The following ATP11B variants were observed in gnomAD, a reference collection of about 807,000 sequenced individuals.
ATP11B encodes the protein phospholipid-transporting ATPase IF.
In ATP11B, 81 loss-of-function variants were observed where a neutral mutation model predicts 157.8. The ratio of observed to expected loss-of-function variants is 0.51; its 90% CI spans 0.43 to 0.62. The LOEUF is 0.62. Among genes scored for constraint, ATP11B ranks in the 20% least tolerant of loss-of-function variants. The probability of loss-of-function intolerance (pLI) is 0.00; values close to 1 mark genes in which losing one functional copy is unlikely to be tolerated. For synonymous variants in ATP11B, 451 were observed against 469.4 expected, an observed-to-expected ratio of 0.96 and a Z score of 0.51; for missense variants, 1,165 against 1,402.2, an observed-to-expected ratio of 0.83 and a Z score of 2.70.
rs765208623 is a variant in ATP11B, at chr3:182,913,962, T to TA, written c.3421dup (p.Ile1141AsnfsTer5). The TA allele has an allele frequency of 5.0e-6, 8 of 1,614,068 alleles. No individual in the cohort carries two copies. The Admixed American group carries it at 5.0e-5, about 10-fold the overall frequency. ...CTGTTGGAAGAATGCTGGAACGAGT[T>TA]ATAGGAAGATGTAGTCCAACCCACA... On this transcript the variant is annotated frameshift_variant, in exon 29 of 30. Coordinates refer to ENST00000323116, the MANE Select transcript of ATP11B (RefSeq NM_014616.3). LOFTEE classifies it high-confidence loss of function.
intron 29 of ATP11B, 62 bp from the exon 30 acceptor site, chr3:182,917,961 T>C (rs1725244954): frequency 6.3e-7 from 1 of 1,588,092 alleles, no homozygotes; most frequent in Non-Finnish European, 8.6e-7. Context: ...TTAGAGTAAA[T>C]TTTTTTCTCA....
chr3:182,820,147 T>G, intron 1 of ATP11B, 113 bp from the exon 2 acceptor site: 1 of 715,520 alleles, frequency 1.4e-6, no homozygotes, highest in South Asian at 1.8e-5. Context: ...TATATGCATT[T>G]TAAGGGCAAT....
In ATP11B at chr3:182,805,912, C is replaced by T. The variant is rs1716299649; in HGVS notation, c.27+12126C>T. Among the ~76,000 whole-genome samples, 5 of 152,210 alleles carry T rather than the reference C, an allele frequency of 3.3e-5. No individual in the cohort carries two copies. In the South Asian group the frequency reaches 1.0e-3, roughly 32 times the overall value. On this transcript the variant is annotated intron_variant, in intron 1 of 29. Coordinates refer to ENST00000323116, the MANE Select transcript of ATP11B (RefSeq NM_014616.3). Reference sequence around the variant, plus strand: ...GGTTGTAGTCCTACTTCTTTTTAAACTCAATGTTTTTTAGCATTAGTTTTT... The same window carrying T: ...GGTTGTAGTCCTACTTCTTTTTAAATTCAATGTTTTTTAGCATTAGTTTTT...
At chr3:182,904,077 T>C (rs1355232209) in intron 28 of ATP11B, among the ~76,000 whole-genome samples, 3 of 152,212 alleles carry the variant, frequency 2.0e-5, no homozygotes, top group Non-Finnish European at 4.4e-5. Context: ...GAGATGTTCT[T>C]TCTGCAAGCC....
At chr3:182,902,329 C>T (rs1190437593) in intron 28 of ATP11B, among the ~76,000 whole-genome samples, 1 of 152,192 alleles carries the variant, frequency 6.6e-6, no homozygotes, top group Non-Finnish European at 1.5e-5. Flanking sequence ...AACAGCCCTA[C>T]AAATGTTAGT....
chr3:182,915,075 G>C (rs1194294665), intron 29 of ATP11B: 1 of 985,086 alleles, frequency 1.0e-6, no homozygotes, highest in Non-Finnish European at 1.2e-6. Context: ...ACTGGAAAAA[G>C]GATTTTTATT....
chr3:182,884,765 A>G lies in ATP11B; in HGVS notation c.2522A>G (p.Lys841Arg). Residue 841 changes from lysine (K) to arginine (R), a missense_variant, in exon 22 of 30, where the codon AAA (lysine) becomes AGA (arginine). Lys to Arg is a conservative substitution (Grantham distance 26). Transcript: ENST00000323116. ...CCTTTTATTATAGGAATCATGGGTA[A>G]AGAAGGAAGACAGGCTGCAAGAAAC... is the stretch of plus-strand genomic sequence containing the variant. The part of the protein sequence containing the change: ...EAHVGIGIMG[K>R]EGRQAARNSD... 1 of 1,593,572 alleles carries G rather than the reference A, an allele frequency of 6.3e-7. No individual in the cohort carries two copies. Among genetic ancestry groups the G allele is most frequent in the Admixed American group, 1.9e-5 (1 of 53,324 alleles).
chr3:182,865,947 C>A (rs1721200965), intron 13 of ATP11B, among the ~76,000 whole-genome samples: 2 of 150,538 alleles, frequency 1.3e-5, no homozygotes, highest in Non-Finnish European at 3.0e-5. Flanking sequence ...AAGAAAAGCC[C>A]TTACTGCCTT....
At chr3:182,822,579 C>T (rs1004193463) in intron 2 of ATP11B, among the ~76,000 whole-genome samples, 1 of 152,178 alleles carries the variant, frequency 6.6e-6, no homozygotes, top group African/African-American at 2.4e-5. Context: ...AGTAAATACA[C>T]GTGTGCATGT....
intron 1 of ATP11B, among the ~76,000 whole-genome samples, chr3:182,799,390 C>T (rs1397034047): frequency 6.6e-6 from 1 of 152,084 alleles, no homozygotes; most frequent in Non-Finnish European, 1.5e-5. Context: ...CATTCTCCTG[C>T]CTCAGCCTCC....
At chr3:182,845,010 T>TTTTA (rs1719383961) in intron 8 of ATP11B, among the ~76,000 whole-genome samples, 3 of 68,314 alleles carry the variant, frequency 4.4e-5, no homozygotes, top group African/African-American at 8.2e-5. Context: ...TTTTTTATTT[T>TTTTA]TTTTTATTTT....
intron 7 of ATP11B, among the ~76,000 whole-genome samples, chr3:182,837,406 C>A (rs1017078297): frequency 1.3e-5 from 2 of 151,958 alleles, no homozygotes; most frequent in African/African-American, 2.4e-5. Flanking sequence ...CTTCACATTA[C>A]CTTCTATTTT....
At chr3:182,844,492 A>G (rs905126386) in intron 8 of ATP11B, 2 of 855,876 alleles carry the variant, frequency 2.3e-6, no homozygotes, top group Non-Finnish European at 2.8e-6. Flanking sequence ...GCTATCACTA[A>G]GAAGATCAAT....
chr3:182,842,010 C>CA (rs1236089407), intron 7 of ATP11B, 65 bp from the exon 8 acceptor site: 10 of 897,930 alleles, frequency 1.1e-5, no homozygotes, highest in East Asian at 2.8e-5. Context: ...AAGGATGGTG[C>CA]AAAAAAACAG....
intron 1 of ATP11B, among the ~76,000 whole-genome samples, chr3:182,804,053 G>A (rs1716169993): frequency 6.6e-6 from 1 of 151,720 alleles, no homozygotes; most frequent in Non-Finnish European, 1.5e-5. Flanking sequence ...TGTTTGTCTA[G>A]CTCCATGGAA....
At chr3:182,878,644 C>A (rs1008175856) in intron 19 of ATP11B, among the ~76,000 whole-genome samples, 4 of 152,160 alleles carry the variant, frequency 2.6e-5, no homozygotes, top group African/African-American at 9.7e-5. Flanking sequence ...TGGAGTAGCA[C>A]CTACGTAGCA....
At chr3:182,845,370 T>C in intron 8 of ATP11B, 88 bp from the exon 9 acceptor site, 1 of 1,152,644 alleles carries the variant, frequency 8.7e-7, no homozygotes, top group Non-Finnish European at 1.2e-6. Context: ...TGGCTATAGC[T>C]TAAGTACCTT....
chr3:182,883,260 C>CGT (rs1274901526), intron 21 of ATP11B, among the ~76,000 whole-genome samples: 1 of 145,206 alleles, frequency 6.9e-6, no homozygotes, highest in Non-Finnish European at 1.5e-5. Context: ...GTAAAACAAT[C>CGT]CTTTTTTTTT....
At chr3:182,903,369 CTA>C (rs1472953379) in intron 28 of ATP11B, among the ~76,000 whole-genome samples, 2 of 152,150 alleles carry the variant, frequency 1.3e-5, no homozygotes, top group Non-Finnish European at 2.9e-5. Context: ...TAATCTTTCT[CTA>C]TGTTCATTTG....
Sources: gnomAD v4.1 joint callset for allele counts (sites outside exome capture counted in the v4.1 genomes callset) on GRCh38, gnomAD v4.1.1 for gene constraint, MANE v1.5 for transcripts, NCBI Gene and HGNC (gene_info 2026-07-23, HGNC 2026-07-21) for gene names.